Variants in SSUH2 observed in about 807,000 individuals in gnomAD.
The protein encoded by SSUH2 is protein SSUH2 homolog.
SSUH2 carries 47 observed loss-of-function variants against 55.3 expected under a neutral mutation model. That is an observed-to-expected ratio of 0.85 (90% confidence interval 0.67 to 1.08). The LOEUF is 1.08. Ranked by LOEUF, SSUH2 falls within the 50% of genes least tolerant of loss-of-function variation. The pLI, the probability that SSUH2 is intolerant of heterozygous loss-of-function variation, is 0.00. For missense variants in SSUH2, 535 were observed against 490.7 expected (o/e 1.09, Z -0.85); for synonymous variants, 212 against 191.5 (o/e 1.11, Z -0.89).
At chr3:8,633,623 C>G in intron 4 of SSUH2, 43 bp downstream of exon 4, 5 of 1,468,132 alleles carry the variant, frequency 3.4e-6, no homozygotes, top group Non-Finnish European at 4.5e-6. Context: ...CCCCAGCTCC[C>G]CAGCCCCCCG....
At chr3:8,630,161 C>T (rs1428577406) in intron 6 of SSUH2, among the ~76,000 whole-genome samples, 4 of 152,186 alleles carry the variant, frequency 2.6e-5, no homozygotes, top group Non-Finnish European at 4.4e-5. Context: ...GCCTTGGCCC[C>T]CTTGAGAAAG....
intron 3 of SSUH2, chr3:8,634,719 G>A: frequency 1.9e-6 from 1 of 513,688 alleles, no homozygotes; most frequent in Non-Finnish European, 3.4e-6. Context: ...GAAGCCCCCG[G>A]GAGAAGCCTC....
chr3:8,677,101 G>A lies in SSUH2; in HGVS notation c.-753+105C>T, dbSNP rs146352281. ...CCCTGTGGCTCTTAGGACCCCCATC[G>A]CAGCGGGGAGAGATACCCCCCGCGA... On this transcript the variant is annotated intron_variant, in intron 3 of 18. Transcript: ENST00000317371. 1,123 of 148,122 alleles carry A rather than the reference G, an allele frequency of 7.6e-3. 23 individuals carry two copies. Among genetic ancestry groups the A allele is most frequent in the Non-Finnish European group, 0.013 (885 of 67,288 alleles). 9.2% of individuals were successfully genotyped at this position (148,122 alleles called of 1,614,324 possible).
At chr3:8,621,932 A>C (rs1028364911) in intron 11 of SSUH2, among the ~76,000 whole-genome samples, 2 of 149,154 alleles carry the variant, frequency 1.3e-5, no homozygotes, top group South Asian at 2.2e-4. Context: ...CCCCCCCACA[A>C]CCCCCGCAAT....
At chr3:8,644,508 GAGGA>G (rs377709773) in intron 1 of SSUH2, among the ~76,000 whole-genome samples, 2 of 152,168 alleles carry the variant, frequency 1.3e-5, no homozygotes, top group Non-Finnish European at 2.9e-5. Flanking sequence ...TTACACACGA[GAGGA>G]AGGAAGGAAG....
At chr3:8,621,923 C>A (rs995009400) in intron 11 of SSUH2, among the ~76,000 whole-genome samples, 2 of 151,534 alleles carry the variant, frequency 1.3e-5, no homozygotes, top group Non-Finnish European at 2.9e-5. Flanking sequence ...CAATACCAGC[C>A]CCCCCACAAC....
intron 1 of SSUH2, among the ~76,000 whole-genome samples, chr3:8,680,057 C>T (rs56174965): frequency 1.3e-5 from 2 of 151,958 alleles, no homozygotes; most frequent in South Asian, 2.1e-4. Context: ...TGGGGCTACC[C>T]GATCTGACAA....
chr3:8,647,035 T>A (rs1701766457), upstream of SSUH2, among the ~76,000 whole-genome samples: 1 of 152,172 alleles, frequency 6.6e-6, no homozygotes, highest in Non-Finnish European at 1.5e-5. Context: ...TTCCTGGAAA[T>A]AAAATCTATG....
chr3:8,678,709 TTAGGACCCCCAACG>T (rs1355377229), intron 2 of SSUH2, among the ~76,000 whole-genome samples: 9 of 35,118 alleles, frequency 2.6e-4, no homozygotes, highest in Non-Finnish European at 4.4e-4. Context: ...CTCCTGGGTC[TTAGGACCCCCAACG>T]TGGGGGGGGG....
Position 8,619,867 on chromosome 3 carries a change from G to C in SSUH2, c.*1C>G, listed in dbSNP as rs990942756. ...CAGGCTCTGGGGACAGCCATGCTAT[G>C]TCACACGATGGTACAGCCACAGCAA... On this transcript the variant is annotated 3_prime_UTR_variant, in exon 12 of 12. Transcript: ENST00000544814. 100 of 1,613,140 alleles carry C rather than the reference G, an allele frequency of 6.2e-5. No individual in the cohort carries two copies. Among genetic ancestry groups the C allele is most frequent in the Non-Finnish European group, 8.3e-5 (98 of 1,179,716 alleles).
chr3:8,677,900 C>A (rs1257116669), intron 2 of SSUH2, among the ~76,000 whole-genome samples: 1 of 150,868 alleles, frequency 6.6e-6, no homozygotes, highest in African/African-American at 2.4e-5. Flanking sequence ...AATATCATCT[C>A]CCCCTCTGGA....
chr3:8,673,192 TATTA>T (rs1466821117), intron 3 of SSUH2, among the ~76,000 whole-genome samples: 1 of 152,150 alleles, frequency 6.6e-6, no homozygotes, highest in Non-Finnish European at 1.5e-5. Flanking sequence ...GCATCATTAA[TATTA>T]ATCATTTATT....
intron 7 of SSUH2, among the ~76,000 whole-genome samples, chr3:8,628,147 G>T (rs1429780433): frequency 6.6e-6 from 1 of 152,132 alleles, no homozygotes; most frequent in Non-Finnish European, 1.5e-5. Context: ...ATGGCCCCCA[G>T]AAAAGGCCTA....
chr3:8,679,389 A>C (rs113114806), intron 2 of SSUH2, among the ~76,000 whole-genome samples: 2,641 of 61,244 alleles, frequency 0.043, 222 homozygotes, highest in Non-Finnish European at 0.052. Context: ...CCCCAGGAGG[A>C]GGGGACTGAG....
chr3:8,631,184 TC>T (rs1476840992), intron 5 of SSUH2, among the ~76,000 whole-genome samples: 1 of 152,160 alleles, frequency 6.6e-6, no homozygotes, highest in African/African-American at 2.4e-5. Context: ...TCTTACCCTC[TC>T]TGAGCTTCCA....
rs1182562907 is a variant in SSUH2 at position 8,633,646 on chromosome 3, C to G, written c.339+20G>C. The G allele has an allele frequency of 6.7e-7, 1 of 1,499,660 alleles. No homozygotes were observed. Among genetic ancestry groups the G allele is most frequent in the Admixed American group, 2.3e-5 (1 of 42,936 alleles). 92.9% of individuals were successfully genotyped at this position (1,499,660 alleles called of 1,614,324 possible). On this transcript the variant is annotated intron_variant, in intron 4 of 11. Transcript: ENST00000544814. ...CCCCAGCCCCCCGGCCAAGGCCCCC[C>G]ACCGGCCCTGGCCTCTCACCCTGCA... is the stretch of plus-strand genomic sequence containing the variant.
chr3:8,676,556 A>C (rs1392971386), intron 3 of SSUH2, among the ~76,000 whole-genome samples: 1 of 151,034 alleles, frequency 6.6e-6, no homozygotes, highest in Non-Finnish European at 1.5e-5. Context: ...TATTGGGAGT[A>C]ATATCAACCT....
intron 2 of SSUH2, among the ~76,000 whole-genome samples, chr3:8,679,130 G>A (rs1456424592): frequency 9.5e-6 from 1 of 105,054 alleles, no homozygotes; most frequent in Non-Finnish European, 2.2e-5. Flanking sequence ...CAAATTGCGG[G>A]GGGGAGGCAC....
At chr3:8,630,287 C>T (rs974554102) in intron 6 of SSUH2, among the ~76,000 whole-genome samples, 4 of 152,106 alleles carry the variant, frequency 2.6e-5, no homozygotes, top group East Asian at 1.9e-4. Context: ...AGGCAGTAAC[C>T]GGAAAAGAAC....
Sources: allele counts gnomAD v4.1 joint callset (sites outside exome capture counted in the v4.1 genomes callset), GRCh38; gene constraint gnomAD v4.1.1; transcripts MANE v1.5; gene names NCBI Gene and HGNC (gene_info 2026-07-23, HGNC 2026-07-21).